Variants in PLCB4 observed in about 807,000 individuals in gnomAD.
PLCB4 encodes 1-phosphatidylinositol 4,5-bisphosphate phosphodiesterase beta-4.
In PLCB4, 77 loss-of-function variants were observed where a neutral mutation model predicts 178.8. That is an observed-to-expected ratio of 0.43 (90% confidence interval 0.36 to 0.52). The LOEUF is 0.52. PLCB4 is among the 20% of genes least tolerant of loss of function. The probability of loss-of-function intolerance (pLI) is 0.00; values close to 1 mark genes in which losing one functional copy is unlikely to be tolerated. For missense variants in PLCB4, 1,024 were observed against 1,453.4 expected, an observed-to-expected ratio of 0.70 and a Z score of 4.80; for synonymous variants, 496 against 490.8, an observed-to-expected ratio of 1.01 and a Z score of -0.14.
chr20:9,464,080 T>C (rs1365051445), intron 35 of PLCB4, among the ~76,000 whole-genome samples: 12 of 152,080 alleles, frequency 7.9e-5, no homozygotes, highest in Admixed American at 7.9e-4. Context: ...ACAAACTATC[T>C]CTCAGGCCAC....
intron 3 of PLCB4, among the ~76,000 whole-genome samples, chr20:9,220,943 TACA>T (rs2093790698): frequency 6.6e-6 from 1 of 152,206 alleles, no homozygotes; most frequent in Admixed American, 6.5e-5. Context: ...TTATCCATGG[TACA>T]ACAATAGCAA....
Position 9,436,990 on chromosome 20 carries a change from TTTCTG to T in PLCB4, c.2614-8_2614-4del. 1 of 1,613,500 alleles carries T rather than the reference TTTCTG, an allele frequency of 6.2e-7. No homozygotes were observed. Among genetic ancestry groups the T allele is most frequent in the Non-Finnish European group, 8.5e-7 (1 of 1,179,578 alleles). ...ACATTCATTTGGGTCAATGTAAATGTTTCTGTTCCAGAGTGACATAGCCGACGTGC... is the reference window on the plus strand; with the variant it reads ...ACATTCATTTGGGTCAATGTAAATGTTTCCAGAGTGACATAGCCGACGTGC... On this transcript the variant is annotated splice_polypyrimidine_tract_variant and splice_region_variant and intron_variant, in intron 29 of 39. Transcript: ENST00000378473.
intron 4 of PLCB4, among the ~76,000 whole-genome samples, chr20:9,334,572 A>C (rs1310463939): frequency 6.6e-6 from 1 of 152,180 alleles, no homozygotes; most frequent in East Asian, 1.9e-4. Context: ...GTTTGGTGAT[A>C]AAGTATGCAT....
intron 3 of PLCB4, among the ~76,000 whole-genome samples, chr20:9,220,772 C>T (rs957906544): frequency 2.0e-5 from 3 of 152,204 alleles, no homozygotes; most frequent in Admixed American, 6.5e-5. Flanking sequence ...TTCTCTTACA[C>T]CTTGGAGACA....
chr20:9,205,869 A>G (rs570009602), intron 2 of PLCB4, among the ~76,000 whole-genome samples: 93 of 152,332 alleles, frequency 6.1e-4, no homozygotes, highest in Middle Eastern at 6.8e-3. Flanking sequence ...ATCACATAGT[A>G]TGTAACTTTT....
intron 3 of PLCB4, among the ~76,000 whole-genome samples, chr20:9,260,287 A>T: frequency 6.6e-6 from 1 of 152,108 alleles, no homozygotes; most frequent in East Asian, 1.9e-4. Flanking sequence ...TCCTCCTTCT[A>T]CTTCAGGCTA....
intron 36 of PLCB4, 25 bp from the exon 37 acceptor site, chr20:9,472,765 C>A (rs1420345249): frequency 1.4e-6 from 2 of 1,477,438 alleles, no homozygotes; most frequent in Non-Finnish European, 1.9e-6. Context: ...TCATACCAAC[C>A]GTTATTTGTG....
chr20:9,440,174 A>G (rs1167855647), intron 30 of PLCB4, among the ~76,000 whole-genome samples: 1 of 152,232 alleles, frequency 6.6e-6, no homozygotes, highest in East Asian at 1.9e-4. Context: ...TTACATCCTC[A>G]TAAGCTGAAC....
At chr20:9,432,548 C>A (rs1171765022) in intron 28 of PLCB4, among the ~76,000 whole-genome samples, 1 of 152,160 alleles carries the variant, frequency 6.6e-6, no homozygotes, top group Non-Finnish European at 1.5e-5. Flanking sequence ...TATATCTCCT[C>A]CAAAGAAGGG....
intron 36 of PLCB4, among the ~76,000 whole-genome samples, chr20:9,472,149 T>C (rs1467465914): frequency 6.6e-6 from 1 of 152,190 alleles, no homozygotes; most frequent in African/African-American, 2.4e-5. Flanking sequence ...TGGTAAGCTA[T>C]GGGAAGAAAC....
At chr20:9,184,681 G>A (rs1271776922) in intron 2 of PLCB4, among the ~76,000 whole-genome samples, 8 of 150,492 alleles carry the variant, frequency 5.3e-5, no homozygotes, top group African/African-American at 1.5e-4. Flanking sequence ...TGACTCTTAC[G>A]GAAATAAAAC....
At chr20:9,102,898 AGCTGCTTG>A (rs1283332351) in intron 2 of PLCB4, among the ~76,000 whole-genome samples, 1 of 152,204 alleles carries the variant, frequency 6.6e-6, no homozygotes, top group Non-Finnish European at 1.5e-5. Flanking sequence ...TGCATAAAAT[AGCTGCTTG>A]GCTGTCACTT....
At chr20:9,227,064 G>A (rs914539709) in intron 3 of PLCB4, among the ~76,000 whole-genome samples, 1 of 151,726 alleles carries the variant, frequency 6.6e-6, no homozygotes, top group African/African-American at 2.4e-5. Context: ...AATGACTGAT[G>A]CTATTGTTCA....
chr20:9,207,726 T>C (rs1381887561), intron 2 of PLCB4, among the ~76,000 whole-genome samples: 1 of 152,262 alleles, frequency 6.6e-6, no homozygotes, highest in African/African-American at 2.4e-5. Context: ...ATCATGTTTC[T>C]TACTTGCTTC....
chr20:9,353,984 C>A (rs2034565882), intron 7 of PLCB4, among the ~76,000 whole-genome samples: 1 of 152,168 alleles, frequency 6.6e-6, no homozygotes, highest in South Asian at 2.1e-4. Context: ...CCAGATCTTC[C>A]AGACCAGAAC....
At chr20:9,427,441 T>C (rs1444726440) in intron 28 of PLCB4, among the ~76,000 whole-genome samples, 1 of 151,920 alleles carries the variant, frequency 6.6e-6, no homozygotes, top group Non-Finnish European at 1.5e-5. Flanking sequence ...ATTTTTTCAA[T>C]ATTATTTTGC....
chr20:9,240,712 A>G (rs948888700), intron 3 of PLCB4, among the ~76,000 whole-genome samples: 4 of 151,700 alleles, frequency 2.6e-5, no homozygotes, highest in Non-Finnish European at 5.9e-5. Flanking sequence ...TTTATCTTCT[A>G]TTCTTGTTTG....
At chr20:9,100,792 C>T (rs146062587) in intron 2 of PLCB4, among the ~76,000 whole-genome samples, 83 of 152,180 alleles carry the variant, frequency 5.5e-4, no homozygotes, top group African/African-American at 1.9e-3. Context: ...TATTGTTTCA[C>T]GTTATGTTTT....
chr20:9,137,911 T>G (rs1054365089), intron 2 of PLCB4, among the ~76,000 whole-genome samples: 1 of 152,132 alleles, frequency 6.6e-6, no homozygotes, highest in African/African-American at 2.4e-5. Flanking sequence ...ATTTGATCAT[T>G]GCTTTCAAGG....
Sources: gnomAD v4.1 joint callset for allele counts (sites outside exome capture counted in the v4.1 genomes callset) on GRCh38, gnomAD v4.1.1 for gene constraint, MANE v1.5 for transcripts, NCBI Gene and HGNC (gene_info 2026-07-23, HGNC 2026-07-21) for gene names.